Variants in ENG observed in about 807,000 individuals in gnomAD.
ENG encodes the protein endoglin.
A neutral mutation model predicts 71.0 loss-of-function variants in ENG; 17 were observed. The observed-to-expected ratio is 0.24, with a 90% confidence interval of 0.16 to 0.36. The LOEUF is 0.36. Among genes scored for constraint, ENG ranks in the 10% least tolerant of loss-of-function variants. The pLI is 1.00. For synonymous variants in ENG, 360 were observed against 366.9 expected (o/e 0.98, Z 0.21); for missense variants, 749 against 868.3 (o/e 0.86, Z 1.73).
chr9:127,849,684 G>A (rs1339351716), intron 1 of ENG, among the ~76,000 whole-genome samples: 1 of 152,182 alleles, frequency 6.6e-6, no homozygotes, highest in African/African-American at 2.4e-5. Flanking sequence ...GGGCCGTTAT[G>A]GGGACCAGAG....
chr9:127,817,531 C>G (rs1330683), intron 12 of ENG, among the ~76,000 whole-genome samples: 73,536 of 151,978 alleles, frequency 0.48, 18,030 homozygotes, highest in East Asian at 0.68. Flanking sequence ...CAGGCTCACT[C>G]TGGCTGGAGG....
At position 127,854,633 on chromosome 9, in the gene ENG, C is replaced by T; in HGVS notation, c.-278G>A. On this transcript the variant is annotated 5_prime_UTR_variant, in exon 1 of 15. Coordinates refer to ENST00000373203, the MANE Select transcript of ENG (RefSeq NM_001114753.3). ...GCAGTGACAGCAGCAGTCCTGGCCC[C>T]AGGGCGCAGATGAAGGCTGTGGTAT... 1.9e-6 allele frequency: 1 copy of T among 518,564 alleles called. No individual in the cohort carries two copies. The highest frequency in any genetic ancestry group is 3.4e-6 in the Non-Finnish European group (1 of 293,794). The allele number at this position is 518,564 out of a possible 1,614,324, so 32.1% of individuals were successfully genotyped here.
rs1830395460 is a variant in ENG at position 127,818,728 on chromosome 9, C to G, written c.1416G>C (p.Gln472His). The G allele has an allele frequency of 6.2e-7, 1 of 1,614,138 alleles. No individual in the cohort carries two copies. Among genetic ancestry groups the G allele is most frequent in the Non-Finnish European group, 8.5e-7 (1 of 1,180,014 alleles). Reference sequence around the variant, plus strand: ...GCATGCCAGGTACCTGCACAAAGCTCTGCTGCCCCGGCTCGATGGTGTTGG... The same window carrying G: ...GCATGCCAGGTACCTGCACAAAGCTGTGCTGCCCCGGCTCGATGGTGTTGG... ...QASNTIEPGQ[Q>H]SFVQVRVSPS... is the part of the protein sequence containing the mutation. The change falls in exon 11 of 15, where the codon CAG (glutamine) becomes CAC (histidine). Residue 472 changes from glutamine to histidine, a missense_variant. Transcript: ENST00000373203.
chr9:127,831,683 C>A (rs907562338), intron 2 of ENG, among the ~76,000 whole-genome samples: 1 of 148,360 alleles, frequency 6.7e-6, no homozygotes, highest in Non-Finnish European at 1.5e-5. Flanking sequence ...CCCTGCCTGG[C>A]CTTTTTTTTT....
At position 127,825,293 on chromosome 9, in the gene ENG, T is replaced by C. The variant is rs377377549; in HGVS notation, c.754A>G (p.Ile252Val). 1 of 1,606,400 alleles carries C rather than the reference T, an allele frequency of 6.2e-7. No individual in the cohort carries two copies. Among genetic ancestry groups the C allele is most frequent in the African/African-American group, 1.4e-5 (1 of 72,572 alleles). The change falls in exon 6 of 15, where the codon ATC becomes GTC. Residue 252 changes from isoleucine (I) to valine (V), a missense_variant. Physicochemically the swap from Ile to Val is conservative, Grantham distance 29. Transcript: ENST00000373203. ...GACACGTAGGGGGGACCCTGCAGGATGAGGACGGCATCGAGATCCCCGGGT... is the reference window on the plus strand; with the variant it reads ...GACACGTAGGGGGGACCCTGCAGGACGAGGACGGCATCGAGATCCCCGGGT... ...CAPGDLDAVL[I>V]LQGPPYVSWL... is the part of the protein sequence containing the mutation.
rs1554809082 is a variant in ENG at position 127,817,139 on chromosome 9, G to A, written c.1741+10C>T. 6.2e-7 allele frequency: 1 copy of A among 1,614,190 alleles called. No individual in the cohort carries two copies. The highest frequency in any genetic ancestry group is 8.5e-7 in the Non-Finnish European group (1 of 1,180,014). On this transcript the variant is annotated intron_variant, in intron 13 of 14. Coordinates refer to ENST00000373203, the MANE Select transcript of ENG (RefSeq NM_001114753.3). Reference sequence around the variant, plus strand: ...CTAGAACAAACCCGAGAGACCTGGAGGGAGCTCACCAGACAGGTCAGGGCT... The same window carrying A: ...CTAGAACAAACCCGAGAGACCTGGAAGGAGCTCACCAGACAGGTCAGGGCT...
rs562061928 is a variant in ENG at position 127,846,383 on chromosome 9, G to A, written c.68-3138C>T. Among the ~76,000 whole-genome samples the A allele has an allele frequency of 9.2e-5, 14 of 152,266 alleles. 1 individual carries two copies. In the South Asian group the frequency reaches 1.7e-3, roughly 18 times the overall value. ...CACATGGTTGACCAGGCCGGGCCTC[G>A]GACCCGCGTCTCCCAACATGACCCA... On this transcript the variant is annotated intron_variant, in intron 1 of 14. Coordinates refer to ENST00000373203, the MANE Select transcript of ENG (RefSeq NM_001114753.3). This position sits in a 1 kb window ranked among gnomAD's most constrained non-coding sequence, Gnocchi z 5.5.
At chr9:127,828,043 A>G (rs1248812439) in intron 3 of ENG, among the ~76,000 whole-genome samples, 1 of 150,810 alleles carries the variant, frequency 6.6e-6, no homozygotes, top group Admixed American at 6.6e-5. Flanking sequence ...AAAAAAAAAA[A>G]AGGAGACCCT....
chr9:127,837,843 C>T (rs1045380579), intron 2 of ENG, among the ~76,000 whole-genome samples: 1 of 105,962 alleles, frequency 9.4e-6, no homozygotes, highest in African/African-American at 4.8e-5. Flanking sequence ...GGGCTGACTT[C>T]GAGCTTAACA....
intron 2 of ENG, among the ~76,000 whole-genome samples, chr9:127,837,633 A>G (rs1229492209): frequency 6.6e-6 from 1 of 152,232 alleles, no homozygotes; most frequent in Non-Finnish European, 1.5e-5. Flanking sequence ...ACGACCAGAC[A>G]TAAACAGCAA....
In ENG at chr9:127,854,448, G is replaced by C; in HGVS notation, c.-93C>G. 4 of 1,376,058 alleles carry C rather than the reference G, an allele frequency of 2.9e-6. No individual in the cohort carries two copies. Among genetic ancestry groups the C allele is most frequent in the Non-Finnish European group, 4.0e-6 (4 of 1,012,530 alleles). 85.2% of individuals were successfully genotyped at this position (1,376,058 alleles called of 1,614,324 possible). A position where few individuals can be genotyped will look rare whatever the true frequency, so the allele number is the denominator to read the frequency against. ...CCGGGGCCGGCGTGGGCTCGCACGG[G>C]GACCCGAGGGGAGCAGGCGGCCGGA... On this transcript the variant is annotated 5_prime_UTR_variant, in exon 1 of 15. Coordinates refer to ENST00000373203, the MANE Select transcript of ENG (RefSeq NM_001114753.3).
At chr9:127,828,798 A>G (rs1306012942) in intron 3 of ENG, among the ~76,000 whole-genome samples, 2 of 151,830 alleles carry the variant, frequency 1.3e-5, no homozygotes, top group African/African-American at 2.4e-5. Flanking sequence ...CCCACGCCCA[A>G]CTTCGCTCAA....
At chr9:127,818,932 C>G in intron 10 of ENG, 100 bp from the exon 11 acceptor site, 1 of 993,174 alleles carries the variant, frequency 1.0e-6, no homozygotes, top group Non-Finnish European at 1.6e-6. Flanking sequence ...GTGGAGTTGC[C>G]TGACTCTCTT....
intron 12 of ENG, chr9:127,817,836 G>A (rs758311255): frequency 5.6e-5 from 30 of 536,674 alleles, no homozygotes; most frequent in Non-Finnish European, 7.4e-5. Flanking sequence ...GTGGGAGGGT[G>A]GATGGATGGA....
At chr9:127,840,544 G>T (rs542060666) in intron 2 of ENG, among the ~76,000 whole-genome samples, 42 of 152,336 alleles carry the variant, frequency 2.8e-4, no homozygotes, top group Middle Eastern at 3.4e-3. Context: ...CAAACAGAGT[G>T]ATTTGGTGTA....
Position 127,830,782 on chromosome 9 carries a change from C to T in ENG, c.220-955G>A, listed in dbSNP as rs1306796368. Among the ~76,000 whole-genome samples, 5 of 152,144 alleles carry T rather than the reference C, an allele frequency of 3.3e-5. No homozygotes were observed. The East Asian group carries it at 5.8e-4, about 18-fold the overall frequency. On this transcript the variant is annotated intron_variant, in intron 2 of 14. Coordinates refer to ENST00000373203, the MANE Select transcript of ENG (RefSeq NM_001114753.3). ...TGGAGGCAGCGATCCCCTGCCCCAT[C>T]GTCCCCACCACCTTTCCTGCAGTCC...
intron 2 of ENG, among the ~76,000 whole-genome samples, chr9:127,832,060 G>A (rs1830779377): frequency 7.0e-6 from 1 of 142,824 alleles, no homozygotes; most frequent in Admixed American, 7.0e-5. Flanking sequence ...ACAGACATGA[G>A]CTACCATTCT....
Position 127,815,842 on chromosome 9 carries a change from G to C in ENG, c.1853-36C>G, listed in dbSNP as rs772616157. 3.2e-6 allele frequency: 5 copies of C among 1,549,358 alleles called. No individual in the cohort carries two copies. In the African/African-American group the frequency reaches 5.5e-5, roughly 17 times the overall value. ...GAGCGGGGGCAGGGGCGGAGGTCAG[G>C]GTCCTGGCCAGGGCCCCTCAATCCC... On this transcript the variant is annotated intron_variant, in intron 14 of 14. Transcript: ENST00000373203.
At chr9:127,834,401 C>A (rs965973173) in intron 2 of ENG, among the ~76,000 whole-genome samples, 4 of 151,352 alleles carry the variant, frequency 2.6e-5, no homozygotes, top group African/African-American at 4.9e-5. Flanking sequence ...CCATGCCCAA[C>A]TAATTTTTGT....
Sources: allele counts gnomAD v4.1 joint callset (sites outside exome capture counted in the v4.1 genomes callset), GRCh38; gene constraint gnomAD v4.1.1; non-coding constraint Gnocchi (gnomAD v3.1); transcripts MANE v1.5; gene names NCBI Gene and HGNC (gene_info 2026-07-23, HGNC 2026-07-21).